CTNND2: variants seen among roughly 807,000 people sequenced by gnomAD.
CTNND2 encodes catenin delta-2.
A neutral mutation model predicts 144.4 loss-of-function variants in CTNND2; 22 were observed. That is an observed-to-expected ratio of 0.15 (90% CI 0.11 to 0.22). The LOEUF (loss-of-function observed/expected upper bound fraction) is 0.22. Among genes scored for constraint, CTNND2 ranks in the 10% least tolerant of loss-of-function variants. The pLI is 1.00. For missense variants in CTNND2, 1,353 were observed against 1,618.8 expected (o/e 0.84, Z 2.82); for synonymous variants, 751 against 695.6 (o/e 1.08, Z -1.25).
At chr5:11,467,107 C>T (rs1766756958) in intron 3 of CTNND2, among the ~76,000 whole-genome samples, 1 of 152,236 alleles carries the variant, frequency 6.6e-6, no homozygotes, top group Non-Finnish European at 1.5e-5. Flanking sequence ...GCCAGTGCAC[C>T]AGGCTGGTGC....
chr5:11,047,573 G>A (rs942758192), intron 16 of CTNND2, among the ~76,000 whole-genome samples: 1 of 152,116 alleles, frequency 6.6e-6, no homozygotes, highest in Non-Finnish European at 1.5e-5. Context: ...CGTGACTTTC[G>A]TTTATCAGCA....
intron 2 of CTNND2, among the ~76,000 whole-genome samples, chr5:11,706,622 T>C (rs954713828): frequency 3.3e-5 from 5 of 152,228 alleles, no homozygotes; most frequent in Non-Finnish European, 2.9e-5. Context: ...ACTGATAGGA[T>C]TGTCTACAGT....
intron 10 of CTNND2, among the ~76,000 whole-genome samples, chr5:11,214,874 C>T (rs1164795488): frequency 1.3e-5 from 2 of 152,162 alleles, no homozygotes; most frequent in Non-Finnish European, 2.9e-5. Flanking sequence ...ACCACCCCTT[C>T]CCCCTTCATC....
chr5:11,281,365 C>T (rs761705256), intron 9 of CTNND2, among the ~76,000 whole-genome samples: 1 of 152,140 alleles, frequency 6.6e-6, no homozygotes, highest in East Asian at 1.9e-4. Context: ...AAAGCTGTTA[C>T]CTCACGAGAG....
chr5:11,289,330 G>C lies in CTNND2; in HGVS notation c.1629-52507C>G, dbSNP rs540444556. 9.2e-5 allele frequency among the ~76,000 whole-genome samples: 14 copies of C among 152,370 alleles called. 1 individual carries two copies. In the South Asian group the frequency reaches 2.7e-3, roughly 29 times the overall value. On this transcript the variant is annotated intron_variant, in intron 9 of 21. Transcript: ENST00000304623. ...CACTCCTAGTCTGACCTCAGGCTCA[G>C]ATTCCATATCCCAGTGGAGGAACAG...
At chr5:11,171,116 T>G (rs1421145983) in intron 11 of CTNND2, among the ~76,000 whole-genome samples, 1 of 152,186 alleles carries the variant, frequency 6.6e-6, no homozygotes, top group Non-Finnish European at 1.5e-5. Context: ...TCAGATACTG[T>G]TGCTCTATCA....
chr5:11,824,596 T>C (rs568521756), intron 1 of CTNND2, among the ~76,000 whole-genome samples: 1 of 152,262 alleles, frequency 6.6e-6, no homozygotes, highest in African/African-American at 2.4e-5. Context: ...AGAAGTCAGC[T>C]ACCATTAGGA....
chr5:11,224,400 C>A (rs912106138), intron 10 of CTNND2, among the ~76,000 whole-genome samples: 2 of 152,202 alleles, frequency 1.3e-5, no homozygotes, highest in African/African-American at 2.4e-5. Flanking sequence ...CCCTGAGAAG[C>A]TTTAACTTCT....
intron 7 of CTNND2, among the ~76,000 whole-genome samples, chr5:11,377,306 C>T (rs1054180506): frequency 5.9e-5 from 9 of 152,074 alleles, no homozygotes; most frequent in Non-Finnish European, 1.2e-4. Flanking sequence ...CTGCCTACCT[C>T]AGCTTCCCAA....
At position 11,887,377 on chromosome 5, in the gene CTNND2, G is replaced by A. The variant is rs116716457; in HGVS notation, c.37+16440C>T. On this transcript the variant is annotated intron_variant, in intron 1 of 21. Transcript: ENST00000304623. Reference sequence around the variant, plus strand: ...TGACATAACTGATAAAAATATTTTAGGCTGATTTGCTATTTAATTAGAAAT... The same window carrying A: ...TGACATAACTGATAAAAATATTTTAAGCTGATTTGCTATTTAATTAGAAAT... 5.1e-3 allele frequency among the ~76,000 whole-genome samples: 778 copies of A among 151,954 alleles called. 9 individuals are homozygous for A. The highest frequency in any genetic ancestry group is 0.016 in the African/African-American group (648 of 41,438).
chr5:11,175,769 T>C (rs1760424408), intron 11 of CTNND2, among the ~76,000 whole-genome samples: 1 of 152,096 alleles, frequency 6.6e-6, no homozygotes, highest in African/African-American at 2.4e-5. Flanking sequence ...CTTGGATCGC[T>C]GGGTAGAGTC....
intron 2 of CTNND2, among the ~76,000 whole-genome samples, chr5:11,644,734 A>T (rs1365870932): frequency 2.0e-5 from 3 of 152,182 alleles, no homozygotes; most frequent in Non-Finnish European, 2.9e-5. Context: ...GGTTTTACAA[A>T]AACATAACAG....
chr5:11,050,469 A>G (rs2149581121), intron 16 of CTNND2, among the ~76,000 whole-genome samples: 1 of 152,346 alleles, frequency 6.6e-6, no homozygotes, highest in East Asian at 1.9e-4. Context: ...TTACCTGGCT[A>G]TATTTAGTTT....
Position 10,988,940 on chromosome 5 carries a change from C to A in CTNND2, c.3212-698G>T, listed in dbSNP as rs751372440. Reference sequence around the variant, plus strand: ...CTCTGAGGCCCTCCTTACACCTCAGCCACTCACTGCCTGTCTGGCTGGGAG... The same window carrying A: ...CTCTGAGGCCCTCCTTACACCTCAGACACTCACTGCCTGTCTGGCTGGGAG... On this transcript the variant is annotated intron_variant, in intron 19 of 21. Transcript: ENST00000304623. This position sits in a 1 kb window ranked among gnomAD's most constrained non-coding sequence, Gnocchi z 5.9. 2.0e-5 allele frequency among the ~76,000 whole-genome samples: 3 copies of A among 152,184 alleles called. No individual in the cohort carries two copies. Among genetic ancestry groups the A allele is most frequent in the Non-Finnish European group, 4.4e-5 (3 of 68,048 alleles).
intron 2 of CTNND2, among the ~76,000 whole-genome samples, chr5:11,597,024 G>A (rs534691382): frequency 9.4e-4 from 143 of 152,256 alleles, no homozygotes; most frequent in Non-Finnish European, 1.6e-3. Flanking sequence ...GACAGGCAGC[G>A]AACCCAAACA....
intron 15 of CTNND2, among the ~76,000 whole-genome samples, chr5:11,091,275 T>C (rs1416345696): frequency 6.6e-6 from 1 of 152,212 alleles, no homozygotes; most frequent in African/African-American, 2.4e-5. Flanking sequence ...TCTAAACTGC[T>C]GTTAATCACA....
At chr5:10,982,186 A>C (rs1380518287) in intron 20 of CTNND2, among the ~76,000 whole-genome samples, 3 of 152,256 alleles carry the variant, frequency 2.0e-5, no homozygotes, top group Non-Finnish European at 2.9e-5. Flanking sequence ...TGTCACCTGC[A>C]CTGAAGCATG....
intron 2 of CTNND2, among the ~76,000 whole-genome samples, chr5:11,622,255 T>TC (rs1780885336): frequency 1.3e-5 from 2 of 152,264 alleles, no homozygotes; most frequent in African/African-American, 4.8e-5. Flanking sequence ...ATGAATAGAT[T>TC]CTGTTTCCTA....
intron 20 of CTNND2, chr5:10,986,546 C>G (rs1160561857): frequency 1.6e-5 from 7 of 447,308 alleles, no homozygotes; most frequent in African/African-American, 4.0e-5. Flanking sequence ...TGTCTAGACT[C>G]CAGGGACTCA....
Sources: gnomAD v4.1 joint callset for allele counts (sites outside exome capture counted in the v4.1 genomes callset) on GRCh38, gnomAD v4.1.1 for gene constraint, Gnocchi (gnomAD v3.1) non-coding constraint, MANE v1.5 for transcripts, NCBI Gene and HGNC (gene_info 2026-07-23, HGNC 2026-07-21) for gene names.